Variants in OTOGL observed in about 807,000 individuals in gnomAD.
OTOGL encodes otogelin-like protein.
OTOGL carries 285 observed loss-of-function variants against 318.5 expected under a neutral mutation model. That is an observed-to-expected ratio of 0.89 (90% confidence interval 0.81 to 0.99). The LOEUF (loss-of-function observed/expected upper bound fraction) is 0.99. Ranked by LOEUF, OTOGL falls within the 50% of genes least tolerant of loss-of-function variation. OTOGL has a pLI of 0.00. For synonymous variants in OTOGL, 987 were observed against 936.5 expected, an observed-to-expected ratio of 1.05 and a Z score of -0.99; for missense variants, 2,899 against 2,845.6, an observed-to-expected ratio of 1.02 and a Z score of -0.43.
At chr12:80,173,064 A>T (rs1039741529) in intron 1 of OTOGL, among the ~76,000 whole-genome samples, 1 of 152,194 alleles carries the variant, frequency 6.6e-6, no homozygotes, top group African/African-American at 2.4e-5. Flanking sequence ...AAACCTGCAC[A>T]TTCGGAACAT....
chr12:80,188,213 T>C (rs1875428814), intron 1 of OTOGL, among the ~76,000 whole-genome samples: 1 of 152,166 alleles, frequency 6.6e-6, no homozygotes, highest in East Asian at 1.9e-4. Context: ...TTTTATGTTC[T>C]GGGGATTACT....
chr12:80,294,527 A>G (rs908230810), intron 26 of OTOGL, among the ~76,000 whole-genome samples: 8 of 152,162 alleles, frequency 5.3e-5, no homozygotes, highest in Admixed American at 4.6e-4. Flanking sequence ...GAGTAGTACA[A>G]TGCCATAATC....
chr12:80,149,884 G>A (rs1402575477), intron 1 of OTOGL, among the ~76,000 whole-genome samples: 1 of 152,180 alleles, frequency 6.6e-6, no homozygotes, highest in Non-Finnish European at 1.5e-5. Flanking sequence ...CACTTCCCGA[G>A]TGAGGCAATG....
At chr12:80,355,285 A>C (rs6539499) in intron 46 of OTOGL, among the ~76,000 whole-genome samples, 1 of 135,200 alleles carries the variant, frequency 7.4e-6, no homozygotes, top group Admixed American at 8.5e-5. Context: ...GCTTGAGTAC[A>C]GTGGTCATAG....
At chr12:80,143,496 C>T (rs936558408) in intron 1 of OTOGL, among the ~76,000 whole-genome samples, 1 of 152,122 alleles carries the variant, frequency 6.6e-6, no homozygotes, top group Non-Finnish European at 1.5e-5. Flanking sequence ...CTCTCTTTCC[C>T]TTACCAGCCT....
chr12:80,271,869 C>A, intron 24 of OTOGL, 59 bp downstream of exon 24: 2 of 1,518,348 alleles, frequency 1.3e-6, no homozygotes, highest in Admixed American at 3.8e-5. Context: ...ACAATATCTC[C>A]TGAAAACATT....
chr12:80,202,178 A>G (rs180920180), intron 1 of OTOGL, among the ~76,000 whole-genome samples: 44 of 152,132 alleles, frequency 2.9e-4, no homozygotes, highest in African/African-American at 9.4e-4. Context: ...GCTTGGTGGT[A>G]TTGAGATCAC....
intron 8 of OTOGL, among the ~76,000 whole-genome samples, 154 bp downstream of exon 8, chr12:80,229,532 A>G (rs746004266): frequency 1.3e-5 from 2 of 152,282 alleles, no homozygotes; most frequent in Middle Eastern, 3.4e-3. Context: ...AAACTTCGGT[A>G]GGCTCTGAGG....
chr12:80,245,881 C>T (rs1880825393), intron 11 of OTOGL, among the ~76,000 whole-genome samples: 1 of 97,644 alleles, frequency 1.0e-5, no homozygotes, highest in Admixed American at 1.1e-4. Context: ...CCTTCACATC[C>T]CTTGTAAGTT....
intron 1 of OTOGL, among the ~76,000 whole-genome samples, chr12:80,191,993 A>G (rs967122143): frequency 6.6e-6 from 1 of 152,236 alleles, no homozygotes; most frequent in African/African-American, 2.4e-5. Context: ...TACATTAGCT[A>G]TCCCTTAGAA....
At chr12:80,328,136 A>G (rs1887817468) in intron 35 of OTOGL, among the ~76,000 whole-genome samples, 1 of 151,500 alleles carries the variant, frequency 6.6e-6, no homozygotes, top group Non-Finnish European at 1.5e-5. Context: ...GGGCAACATG[A>G]CGAAACCTCA....
At chr12:80,306,009 A>C (rs1306829009) in intron 29 of OTOGL, among the ~76,000 whole-genome samples, 1 of 152,198 alleles carries the variant, frequency 6.6e-6, no homozygotes, top group African/African-American at 2.4e-5. Context: ...TTTCCTCACC[A>C]TAGCAAAATG....
chr12:80,241,171 C>G lies in OTOGL; in HGVS notation c.1052+1732C>G, dbSNP rs548834401. Among the ~76,000 whole-genome samples, 3 of 152,032 alleles carry G rather than the reference C, an allele frequency of 2.0e-5. No individual in the cohort carries two copies. The East Asian group carries it at 5.8e-4, about 29-fold the overall frequency. ...TGAAATTGTGTTGTTTATAACTACTCCTCTCTAATTAAATTGAAATTATTA... is the reference window on the plus strand; with the variant it reads ...TGAAATTGTGTTGTTTATAACTACTGCTCTCTAATTAAATTGAAATTATTA... On this transcript the variant is annotated intron_variant, in intron 11 of 58. Coordinates refer to ENST00000547103, the MANE Select transcript of OTOGL (RefSeq NM_001378609.3).
At chr12:80,131,860 G>A (rs1426713235) in intron 1 of OTOGL, 1 of 152,180 alleles carries the variant, frequency 6.6e-6, no homozygotes, top group African/African-American at 2.4e-5. Context: ...CAGAAGATAA[G>A]TATAGAGTGG....
chr12:80,351,601 C>T (rs1026675958), intron 44 of OTOGL, among the ~76,000 whole-genome samples: 19 of 151,888 alleles, frequency 1.3e-4, no homozygotes, highest in Non-Finnish European at 2.1e-4. Context: ...AGATACAGAC[C>T]CTGAAGAAAA....
At chr12:80,145,997 C>T (rs1872327893) in intron 1 of OTOGL, among the ~76,000 whole-genome samples, 1 of 150,778 alleles carries the variant, frequency 6.6e-6, no homozygotes, top group Admixed American at 6.6e-5. Context: ...ATCATGTCAT[C>T]TGTAAGCAGG....
chr12:80,315,610 A>G (rs565731613), intron 32 of OTOGL, among the ~76,000 whole-genome samples: 1 of 152,300 alleles, frequency 6.6e-6, no homozygotes, highest in African/African-American at 2.4e-5. Flanking sequence ...AGTTAGAATA[A>G]TAGTTACAGG....
intron 23 of OTOGL, among the ~76,000 whole-genome samples, chr12:80,270,654 G>T (rs1883340339): frequency 6.6e-6 from 1 of 151,982 alleles, no homozygotes; most frequent in African/African-American, 2.4e-5. Flanking sequence ...CTGGTTCCTG[G>T]GCTGCATTAT....
chr12:80,124,579 G>T (rs371288854), intron 1 of OTOGL, among the ~76,000 whole-genome samples: 7 of 152,194 alleles, frequency 4.6e-5, no homozygotes, highest in Admixed American at 2.6e-4. Flanking sequence ...GTGAAGAAAG[G>T]CATTGGTAGC....
Sources: gnomAD v4.1 joint callset for allele counts (sites outside exome capture counted in the v4.1 genomes callset) on GRCh38, gnomAD v4.1.1 for gene constraint, MANE v1.5 for transcripts, NCBI Gene and HGNC (gene_info 2026-07-23, HGNC 2026-07-21) for gene names.